NUMB: variants seen among roughly 807,000 people sequenced by gnomAD.
NUMB encodes protein numb homolog.
In NUMB, 29 loss-of-function variants were observed where a neutral mutation model predicts 59.7. The observed-to-expected ratio is 0.49, with a 90% confidence interval of 0.36 to 0.66. The LOEUF (loss-of-function observed/expected upper bound fraction) is 0.66. Ranked by LOEUF, NUMB falls within the 30% of genes least tolerant of loss-of-function variation. The pLI is 0.00. For synonymous variants in NUMB, 288 were observed against 288.2 expected (o/e 1.00, Z 0.01); for missense variants, 723 against 822.0 (o/e 0.88, Z 1.47).
chr14:73,395,937 A>C (rs1306421910), intron 2 of NUMB, among the ~76,000 whole-genome samples: 1 of 152,240 alleles, frequency 6.6e-6, no homozygotes, highest in Non-Finnish European at 1.5e-5. Flanking sequence ...AAAATCCTTA[A>C]CATAGCTGTT....
intron 2 of NUMB, among the ~76,000 whole-genome samples, chr14:73,383,344 A>G (rs759786220): frequency 6.6e-6 from 1 of 152,242 alleles, no homozygotes. Context: ...AATACATAAT[A>G]TAAAACTAAC....
At chr14:73,288,802 T>TA (rs1345114431) in intron 8 of NUMB, among the ~76,000 whole-genome samples, 1 of 151,474 alleles carries the variant, frequency 6.6e-6, no homozygotes, top group African/African-American at 2.4e-5. Context: ...GAGGTTGCAG[T>TA]AAGCCACGAT....
At chr14:73,357,996 T>C (rs1237441237) in intron 3 of NUMB, among the ~76,000 whole-genome samples, 3 of 151,864 alleles carry the variant, frequency 2.0e-5, no homozygotes, top group Non-Finnish European at 2.9e-5. Flanking sequence ...ACCTACCTAC[T>C]CGGCCAAGCC....
intron 2 of NUMB, among the ~76,000 whole-genome samples, chr14:73,367,620 T>G (rs1014796095): frequency 6.6e-6 from 1 of 151,340 alleles, no homozygotes; most frequent in Non-Finnish European, 1.5e-5. Flanking sequence ...CAAAAAACTT[T>G]AAAAATTAGC....
chr14:73,276,318 G>T lies in NUMB; in HGVS notation c.*260C>A, dbSNP rs1888150887. On this transcript the variant is annotated 3_prime_UTR_variant, in exon 13 of 13. Coordinates refer to ENST00000555238, the MANE Select transcript of NUMB (RefSeq NM_001005743.2). ...CTCTGTTGCCAGAGATTTGTAAGGG[G>T]GTAAGGGAAGAGGGAGTACAGAAAG... The T allele has an allele frequency of 5.1e-6, 2 of 393,694 alleles. No individual in the cohort carries two copies. Among genetic ancestry groups the T allele is most frequent in the African/African-American group, 4.0e-5 (2 of 49,668 alleles). The allele number at this position is 393,694 out of a possible 1,614,324, so 24.4% of individuals were successfully genotyped here.
intron 6 of NUMB, among the ~76,000 whole-genome samples, chr14:73,300,700 C>G (rs1261388847): frequency 1.3e-5 from 2 of 152,236 alleles, no homozygotes; most frequent in East Asian, 3.9e-4. Context: ...AGGTTTAGAA[C>G]AAGGACGGTC....
intron 4 of NUMB, among the ~76,000 whole-genome samples, chr14:73,334,146 G>A (rs1045902075): frequency 7.9e-5 from 12 of 152,144 alleles, no homozygotes; most frequent in African/African-American, 2.9e-4. Flanking sequence ...CCACCTCCCA[G>A]GTTCAGGCGA....
intron 1 of NUMB, among the ~76,000 whole-genome samples, chr14:73,417,285 C>T (rs1897167741): frequency 6.6e-6 from 1 of 152,078 alleles, no homozygotes; most frequent in African/African-American, 2.4e-5. Context: ...CACACTTAGC[C>T]ATCTGTAGAT....
chr14:73,328,346 A>G (rs1891775824), intron 4 of NUMB, among the ~76,000 whole-genome samples: 2 of 152,004 alleles, frequency 1.3e-5, no homozygotes, highest in African/African-American at 4.8e-5. Flanking sequence ...GTATTTCATC[A>G]TATGCATATA....
At chr14:73,313,834 ATCTC>A (rs146026704) in intron 6 of NUMB, among the ~76,000 whole-genome samples, 23,142 of 149,992 alleles carry the variant, frequency 0.15, 2,574 homozygotes, top group Non-Finnish European at 0.23. Context: ...TTGAGATGGA[ATCTC>A]TCTCTGTCAC....
intron 4 of NUMB, among the ~76,000 whole-genome samples, chr14:73,327,019 C>T (rs1293906654): frequency 6.6e-6 from 1 of 151,980 alleles, no homozygotes; most frequent in Non-Finnish European, 1.5e-5. Context: ...GAAAACTTTT[C>T]CTGATTTTTC....
At chr14:73,422,098 T>C (rs1897373296) in intron 1 of NUMB, among the ~76,000 whole-genome samples, 10 of 151,600 alleles carry the variant, frequency 6.6e-5, no homozygotes, top group Admixed American at 6.6e-4. Flanking sequence ...GAGCCAAGAT[T>C]GCACCACTAC....
At chr14:73,390,570 T>C (rs920648374) in intron 2 of NUMB, among the ~76,000 whole-genome samples, 1 of 150,696 alleles carries the variant, frequency 6.6e-6, no homozygotes, top group Non-Finnish European at 1.5e-5. Context: ...TGAGATACCT[T>C]TGTTATAGAA....
At position 73,361,273 on chromosome 14, in the gene NUMB, A is replaced by C. The variant is rs189400452; in HGVS notation, c.-15-5507T>G. ...CAGCATCCATTCAATAAGTTATCTA[A>C]CTTGCTAAAGGTAGAAAGCATTGGC... On this transcript the variant is annotated intron_variant, in intron 3 of 12. Coordinates refer to ENST00000555238, the MANE Select transcript of NUMB (RefSeq NM_001005743.2). Among the ~76,000 whole-genome samples the C allele has an allele frequency of 2.4e-3, 371 of 152,274 alleles. 1 individual carries two copies. The highest frequency in any genetic ancestry group is 6.0e-4 in the Non-Finnish European group (41 of 68,010).
At chr14:73,310,675 T>C (rs779870655) in intron 6 of NUMB, among the ~76,000 whole-genome samples, 2 of 152,232 alleles carry the variant, frequency 1.3e-5, no homozygotes, top group African/African-American at 2.4e-5. Context: ...TGCAGTTTCA[T>C]GAACTACCCT....
At chr14:73,345,486 A>G (rs1435753482) in intron 4 of NUMB, among the ~76,000 whole-genome samples, 3 of 152,198 alleles carry the variant, frequency 2.0e-5, no homozygotes, top group Non-Finnish European at 4.4e-5. Context: ...CTGACTCTAA[A>G]ATAAAAGATT....
At chr14:73,421,007 GAC>G (rs1381158930) in intron 1 of NUMB, among the ~76,000 whole-genome samples, 1 of 152,126 alleles carries the variant, frequency 6.6e-6, no homozygotes, top group Non-Finnish European at 1.5e-5. Context: ...TTAGAAAAAA[GAC>G]AAATTGTGGC....
At chr14:73,285,062 G>A (rs1045157095) in intron 9 of NUMB, 3 of 152,106 alleles carry the variant, frequency 2.0e-5, no homozygotes, top group Non-Finnish European at 4.4e-5. Flanking sequence ...TGGCCAGGCT[G>A]GTCATGAACT....
intron 2 of NUMB, among the ~76,000 whole-genome samples, chr14:73,406,939 T>G: frequency 6.6e-6 from 1 of 152,040 alleles, no homozygotes; most frequent in Non-Finnish European, 1.5e-5. Flanking sequence ...TTTGATGGGG[T>G]TGTTTGATTC....
Sources: gnomAD v4.1 joint callset for allele counts (sites outside exome capture counted in the v4.1 genomes callset) on GRCh38, gnomAD v4.1.1 for gene constraint, MANE v1.5 for transcripts, NCBI Gene and HGNC (gene_info 2026-07-23, HGNC 2026-07-21) for gene names.